GALNT13: variants seen among roughly 807,000 people sequenced by gnomAD.
GALNT13 encodes UDP-GalNAc:polypeptide N-acetylgalactosaminyltransferase 13.
GALNT13 carries 28 observed loss-of-function variants against 64.2 expected under a neutral mutation model. The ratio of observed to expected loss-of-function variants is 0.44; its 90% CI spans 0.32 to 0.60. The LOEUF (loss-of-function observed/expected upper bound fraction) is 0.60, where lower values mean the gene tolerates loss of function less well. Ranked by LOEUF, GALNT13 falls within the 20% of genes least tolerant of loss-of-function variation. The probability of loss-of-function intolerance (pLI) is 0.05; values close to 1 mark genes in which losing one functional copy is unlikely to be tolerated. For synonymous variants in GALNT13, 214 were observed against 224.6 expected, an observed-to-expected ratio of 0.95 and a Z score of 0.42; for missense variants, 577 against 669.8, an observed-to-expected ratio of 0.86 and a Z score of 1.53.
chr2:154,384,289 C>T (rs12473323), intron 9 of GALNT13, among the ~76,000 whole-genome samples: 8,811 of 151,812 alleles, frequency 0.058, 278 homozygotes, highest in Middle Eastern at 0.12. Flanking sequence ...TTCTGGAAAG[C>T]GGAAAATGAA....
At chr2:154,094,303 C>G (rs991986762) in intron 3 of GALNT13, among the ~76,000 whole-genome samples, 6 of 151,916 alleles carry the variant, frequency 3.9e-5, no homozygotes, top group African/African-American at 1.4e-4. Flanking sequence ...TGGGCCATGT[C>G]CTGTTCACCT....
At chr2:153,609,003 G>A in the GALNT13 span, among the ~76,000 whole-genome samples, 765 of 148,304 alleles carry the variant, frequency 5.2e-3, 1 homozygote, top group Non-Finnish European at 7.6e-3. Flanking sequence ...TGCAACTTCC[G>A]CCTTCAGGGC....
At chr2:154,085,031 A>G (rs1171897668) in intron 3 of GALNT13, among the ~76,000 whole-genome samples, 1 of 151,896 alleles carries the variant, frequency 6.6e-6, no homozygotes, top group Non-Finnish European at 1.5e-5. Context: ...GTTTTTCTGT[A>G]ATGAATATGA....
the GALNT13 span, chr2:153,187,369 A>T: frequency 6.6e-6 from 1 of 152,150 alleles, no homozygotes; most frequent in Non-Finnish European, 1.5e-5. Context: ...AATGTGGTTC[A>T]TGGAGAATCT....
At chr2:153,561,256 G>A in the GALNT13 span, among the ~76,000 whole-genome samples, 2 of 151,256 alleles carry the variant, frequency 1.3e-5, no homozygotes, top group Admixed American at 1.3e-4. Flanking sequence ...ATATATATAT[G>A]AATATGACAT....
At chr2:153,696,704 A>G in the GALNT13 span, among the ~76,000 whole-genome samples, 2 of 152,176 alleles carry the variant, frequency 1.3e-5, no homozygotes, top group Non-Finnish European at 2.9e-5. Flanking sequence ...ACTGCAGTTG[A>G]CCATGGATAA....
chr2:154,339,280 T>C lies in GALNT13; in HGVS notation c.1156+37691T>C, dbSNP rs190111996. Reference sequence around the variant, plus strand: ...ATCTTCTGTCTTCTACATAGGATGGTTTCTCCAGACTTTCAGGTTTCCCTT... The same window carrying C: ...ATCTTCTGTCTTCTACATAGGATGGCTTCTCCAGACTTTCAGGTTTCCCTT... On this transcript the variant is annotated intron_variant, in intron 9 of 12. Transcript: ENST00000392825. 5.8e-3 allele frequency among the ~76,000 whole-genome samples: 878 copies of C among 152,244 alleles called. 11 individuals carry two copies. The highest frequency in any genetic ancestry group is 0.02 in the African/African-American group (830 of 41,558).
At chr2:153,289,128 A>G in the GALNT13 span, among the ~76,000 whole-genome samples, 528 of 152,274 alleles carry the variant, frequency 3.5e-3, 4 homozygotes, top group African/African-American at 0.012. Flanking sequence ...CTAGTTAAAC[A>G]TTGATTCTCT....
intron 9 of GALNT13, among the ~76,000 whole-genome samples, chr2:154,314,101 G>C (rs530342753): frequency 6.6e-6 from 1 of 152,258 alleles, no homozygotes; most frequent in East Asian, 1.9e-4. Context: ...TGATGTAGGA[G>C]TACTACGTCT....
chr2:153,447,393 G>A, the GALNT13 span, among the ~76,000 whole-genome samples: 1 of 152,146 alleles, frequency 6.6e-6, no homozygotes, highest in East Asian at 1.9e-4. Context: ...TCAGATAGGA[G>A]CACTGATTAT....
In GALNT13 at chr2:153,872,703, A is replaced by G. The variant is rs1234852098; in HGVS notation, c.-177+400A>G. On this transcript the variant is annotated intron_variant, in intron 1 of 12. Transcript: ENST00000392825. The stretch of plus-strand genomic sequence containing the variant: ...GGGGTGGCTCGGCCTCCAAGCCCAG[A>G]CAACTTTCTCGCACCAGCTGCAGGC... Among the ~76,000 whole-genome samples the G allele has an allele frequency of 2.7e-5, 4 of 147,588 alleles. No homozygotes were observed. In the East Asian group the frequency reaches 9.4e-4, roughly 35 times the overall value.
chr2:153,707,006 A>G, the GALNT13 span, among the ~76,000 whole-genome samples: 5 of 152,244 alleles, frequency 3.3e-5, no homozygotes, highest in African/African-American at 7.2e-5. Flanking sequence ...ATGATAGTGA[A>G]TAAGACTCAC....
the GALNT13 span, among the ~76,000 whole-genome samples, chr2:153,312,641 A>T: frequency 6.6e-6 from 1 of 152,202 alleles, no homozygotes; most frequent in Non-Finnish European, 1.5e-5. Flanking sequence ...TAGAAATTCC[A>T]GGGTTAATGT....
At chr2:153,528,173 T>G in the GALNT13 span, among the ~76,000 whole-genome samples, 1 of 151,848 alleles carries the variant, frequency 6.6e-6, no homozygotes, top group East Asian at 1.9e-4. Context: ...ATCTGTTCTC[T>G]ACAAGAAACA....
At chr2:153,775,196 A>G in the GALNT13 span, among the ~76,000 whole-genome samples, 3 of 152,172 alleles carry the variant, frequency 2.0e-5, no homozygotes, top group Non-Finnish European at 4.4e-5. Flanking sequence ...GACACCTAAT[A>G]TATCACTAAA....
the GALNT13 span, among the ~76,000 whole-genome samples, chr2:153,656,619 G>T: frequency 3.9e-5 from 6 of 152,038 alleles, no homozygotes; most frequent in African/African-American, 9.7e-5. Context: ...TAAACCTCAA[G>T]ACAAAGATGT....
chr2:153,666,926 A>T, the GALNT13 span, among the ~76,000 whole-genome samples: 1 of 152,198 alleles, frequency 6.6e-6, no homozygotes, highest in Non-Finnish European at 1.5e-5. Flanking sequence ...GAGTCCAGTA[A>T]AATACAAGAG....
intron 3 of GALNT13, among the ~76,000 whole-genome samples, chr2:153,981,168 T>A (rs531402953): frequency 5.3e-5 from 8 of 152,152 alleles, no homozygotes; most frequent in Non-Finnish European, 1.0e-4. Flanking sequence ...CTACTGCTTA[T>A]TTGGTCTCAT....
chr2:153,208,233 T>C, the GALNT13 span: 4 of 152,164 alleles, frequency 2.6e-5, no homozygotes, highest in African/African-American at 9.7e-5. Context: ...TTTGGTAGAG[T>C]ATATAATCAC....
Sources: allele counts gnomAD v4.1 joint callset (sites outside exome capture counted in the v4.1 genomes callset), GRCh38; gene constraint gnomAD v4.1.1; transcripts MANE v1.5; gene names NCBI Gene and HGNC (gene_info 2026-07-23, HGNC 2026-07-21).